MAGI1: variants seen among roughly 807,000 people sequenced by gnomAD.
MAGI1 encodes membrane associated guanylate kinase, WW and PDZ domain containing 1.
A neutral mutation model predicts 139.9 loss-of-function variants in MAGI1; 58 were observed. That is an observed-to-expected ratio of 0.41 (90% confidence interval 0.34 to 0.52). MAGI1 has a LOEUF of 0.52. Ranked by LOEUF, MAGI1 falls within the 20% of genes least tolerant of loss-of-function variation. The pLI is 0.12. For missense variants in MAGI1, 1,874 were observed against 1,901.6 expected (o/e 0.99, Z 0.27); for synonymous variants, 812 against 737.9 (o/e 1.10, Z -1.63).
At chr3:65,911,336 G>C (rs1242433134) in intron 1 of MAGI1, among the ~76,000 whole-genome samples, 1 of 151,940 alleles carries the variant, frequency 6.6e-6, no homozygotes, top group Non-Finnish European at 1.5e-5. Context: ...AGACAGAAAA[G>C]GGTTGGAGTT....
intron 1 of MAGI1, among the ~76,000 whole-genome samples, chr3:65,819,804 G>T (rs2041833202): frequency 7.2e-6 from 1 of 138,808 alleles, no homozygotes; most frequent in African/African-American, 2.7e-5. Context: ...TTGAACCCAG[G>T]AGGCAGAGGT....
chr3:65,683,651 G>T (rs1343925940), intron 1 of MAGI1, among the ~76,000 whole-genome samples: 1 of 82,514 alleles, frequency 1.2e-5, no homozygotes, highest in African/African-American at 3.6e-5. Flanking sequence ...ACATCTGACT[G>T]AATAGGATAT....
intron 2 of MAGI1, among the ~76,000 whole-genome samples, chr3:65,593,522 C>T (rs2106765944): frequency 6.6e-6 from 1 of 152,280 alleles, no homozygotes; most frequent in African/African-American, 2.4e-5. Flanking sequence ...GATAAACTAT[C>T]TGGTTGGTGG....
At chr3:65,430,548 TG>T in intron 11 of MAGI1, 150 bp downstream of exon 11, 1 of 754,674 alleles carries the variant, frequency 1.3e-6, no homozygotes, top group Non-Finnish European at 2.1e-6. Context: ...TGTGGAGACC[TG>T]GCTCATTCTC....
intron 1 of MAGI1, among the ~76,000 whole-genome samples, chr3:65,732,118 G>C (rs991748366): frequency 3.3e-5 from 5 of 152,092 alleles, no homozygotes; most frequent in Non-Finnish European, 7.4e-5. Flanking sequence ...GAAATAAAAC[G>C]AATTCAGTCT....
intron 1 of MAGI1, among the ~76,000 whole-genome samples, chr3:65,821,913 T>C (rs2041972766): frequency 6.6e-6 from 1 of 152,136 alleles, no homozygotes; most frequent in South Asian, 2.1e-4. Flanking sequence ...CTGAGACAAA[T>C]ATGATTTTTC....
chr3:65,855,634 A>AC (rs376422485), intron 1 of MAGI1, among the ~76,000 whole-genome samples: 8 of 94,356 alleles, frequency 8.5e-5, no homozygotes, highest in African/African-American at 2.2e-4. Flanking sequence ...AGGGGAGGGG[A>AC]AGGGAGAAAC....
At chr3:65,435,179 C>G (rs1331803112) in intron 10 of MAGI1, among the ~76,000 whole-genome samples, 2 of 151,540 alleles carry the variant, frequency 1.3e-5, no homozygotes, top group African/African-American at 2.4e-5. Context: ...GTTATAGCAG[C>G]CTGAATGAAG....
intron 1 of MAGI1, among the ~76,000 whole-genome samples, chr3:65,669,467 G>A (rs1233516546): frequency 6.6e-6 from 1 of 152,162 alleles, no homozygotes; most frequent in Non-Finnish European, 1.5e-5. Flanking sequence ...ATAAGCAGAT[G>A]TTATCATCCT....
intron 1 of MAGI1, among the ~76,000 whole-genome samples, chr3:65,659,582 C>G (rs1343377972): frequency 6.6e-6 from 1 of 152,156 alleles, no homozygotes; most frequent in East Asian, 1.9e-4. Flanking sequence ...AATATCCCAC[C>G]CCTTGGTTAA....
intron 1 of MAGI1, among the ~76,000 whole-genome samples, chr3:65,668,799 G>A (rs1559770332): frequency 2.0e-5 from 3 of 151,358 alleles, no homozygotes. Context: ...TGATCCACCT[G>A]CCTCGACCTC....
At chr3:65,581,425 G>T (rs1325386934) in intron 2 of MAGI1, among the ~76,000 whole-genome samples, 1 of 152,052 alleles carries the variant, frequency 6.6e-6, no homozygotes, top group African/African-American at 2.4e-5. Flanking sequence ...AACCTATATT[G>T]TACATGCTGA....
At chr3:65,765,536 A>G (rs1328122698) in intron 1 of MAGI1, among the ~76,000 whole-genome samples, 1 of 152,208 alleles carries the variant, frequency 6.6e-6, no homozygotes, top group Non-Finnish European at 1.5e-5. Context: ...GTTTAGCTAG[A>G]GAGTTGGAAG....
intron 1 of MAGI1, among the ~76,000 whole-genome samples, chr3:65,877,570 A>C (rs1559968969): frequency 6.6e-6 from 1 of 152,170 alleles, no homozygotes; most frequent in Non-Finnish European, 1.5e-5. Flanking sequence ...CTCAGACATG[A>C]AATCAGTAAG....
chr3:65,543,419 A>G (rs2079342241), intron 2 of MAGI1, among the ~76,000 whole-genome samples: 1 of 152,214 alleles, frequency 6.6e-6, no homozygotes, highest in African/African-American at 2.4e-5. Flanking sequence ...CCAAAGGATT[A>G]TAAATCATTC....
chr3:65,493,691 C>T (rs1952219165), intron 2 of MAGI1, 60 bp from the exon 3 acceptor site: 1 of 1,600,862 alleles, frequency 6.2e-7, no homozygotes, highest in African/African-American at 1.3e-5. Flanking sequence ...GGAAGTTCCA[C>T]ATCCAGGTGT....
At chr3:65,496,340 C>T (rs925214203) in intron 2 of MAGI1, among the ~76,000 whole-genome samples, 3 of 152,072 alleles carry the variant, frequency 2.0e-5, no homozygotes, top group Non-Finnish European at 4.4e-5. Flanking sequence ...CCACACTCAG[C>T]TTGGTTTTCC....
intron 2 of MAGI1, among the ~76,000 whole-genome samples, chr3:65,603,016 T>C (rs2082554077): frequency 6.6e-6 from 1 of 152,092 alleles, no homozygotes; most frequent in South Asian, 2.1e-4. Context: ...TCTAGAATAA[T>C]AAATTAATGA....
At position 65,356,685 on chromosome 3, in the gene MAGI1, C is replaced by A. The variant is rs1559875267; in HGVS notation, c.4082G>T (p.Arg1361Leu). ...PERRRERSPT[R>L]RRDGSPSRRR... ...CCGGCTGGGGGAGCCGTCTCTCCTGCGGGTGGGTGACCGCTCTCGCCTCCG... is the reference window on the plus strand; with the variant it reads ...CCGGCTGGGGGAGCCGTCTCTCCTGAGGGTGGGTGACCGCTCTCGCCTCCG... Residue 1361 changes from arginine to leucine, a missense_variant, in exon 23 of 23, where the codon CGC becomes CTC. By Grantham distance (102) the Arg-to-Leu change is moderately radical. Coordinates refer to ENST00000402939, the MANE Select transcript of MAGI1 (RefSeq NM_001033057.2). 2 of 1,590,918 alleles carry A rather than the reference C, an allele frequency of 1.3e-6. No homozygotes were observed. The highest frequency in any genetic ancestry group is 1.8e-5 in the Admixed American group (1 of 56,974).
Sources: gnomAD v4.1 joint callset for allele counts (sites outside exome capture counted in the v4.1 genomes callset) on GRCh38, gnomAD v4.1.1 for gene constraint, MANE v1.5 for transcripts, NCBI Gene and HGNC (gene_info 2026-07-23, HGNC 2026-07-21) for gene names.